Variants in ZCCHC7 observed in about 807,000 individuals in gnomAD.
ZCCHC7 encodes the protein zinc finger CCHC domain-containing protein 7.
ZCCHC7 carries 35 observed loss-of-function variants against 52.0 expected under a neutral mutation model. The ratio of observed to expected loss-of-function variants is 0.67; its 90% CI spans 0.51 to 0.89. The LOEUF is 0.89. Ranked by LOEUF, ZCCHC7 falls within the 40% of genes least tolerant of loss-of-function variation. The probability of loss-of-function intolerance (pLI) is 0.00; values close to 1 mark genes in which losing one functional copy is unlikely to be tolerated. For missense variants in ZCCHC7, 574 were observed against 649.1 expected, an observed-to-expected ratio of 0.88 and a Z score of 1.26; for synonymous variants, 217 against 221.5, an observed-to-expected ratio of 0.98 and a Z score of 0.18.
At chr9:37,211,825 G>T (rs937764853) in intron 2 of ZCCHC7, among the ~76,000 whole-genome samples, 7 of 151,780 alleles carry the variant, frequency 4.6e-5, no homozygotes, top group Non-Finnish European at 2.9e-5. Context: ...TCAGGAGATC[G>T]AGACCATCCT....
chr9:37,348,157 T>C (rs1821116105), intron 6 of ZCCHC7, among the ~76,000 whole-genome samples: 1 of 152,172 alleles, frequency 6.6e-6, no homozygotes, highest in Admixed American at 6.5e-5. Context: ...AACTGCCTCC[T>C]GGAGATCCTT....
At position 37,327,410 on chromosome 9, in the gene ZCCHC7, T is replaced by C. The variant is rs1392304684; in HGVS notation, c.952-389T>C. ...CTTCTTAAAGCAGTTACTATTAAAT[T>C]GTTTTCCATCTTACTACCAAAGTTC... On this transcript the variant is annotated intron_variant, in intron 5 of 8. Coordinates refer to ENST00000336755, the MANE Select transcript of ZCCHC7 (RefSeq NM_032226.3). The C allele has an allele frequency of 4.6e-5, 8 of 172,936 alleles. No individual in the cohort carries two copies. The East Asian group carries it at 1.2e-3, about 27-fold the overall frequency. The allele number at this position is 172,936 out of a possible 1,614,324, so 10.7% of individuals were successfully genotyped here.
intron 2 of ZCCHC7, among the ~76,000 whole-genome samples, chr9:37,286,685 TA>T (rs1828223451): frequency 6.6e-6 from 1 of 151,862 alleles, no homozygotes; most frequent in South Asian, 2.1e-4. Flanking sequence ...GAAAAATACA[TA>T]AATGTTTAAC....
chr9:37,194,178 G>T (rs1483434049), intron 2 of ZCCHC7, among the ~76,000 whole-genome samples: 1 of 152,110 alleles, frequency 6.6e-6, no homozygotes, highest in African/African-American at 2.4e-5. Flanking sequence ...TAGGATAGTG[G>T]CCTTTAATAT....
chr9:37,286,778 G>T (rs1391032262), intron 2 of ZCCHC7, among the ~76,000 whole-genome samples: 2 of 144,670 alleles, frequency 1.4e-5, no homozygotes, highest in Admixed American at 7.1e-5. Flanking sequence ...ATTTAATCTT[G>T]ATTCTCTTTT....
At chr9:37,163,993 GTTTA>G (rs367718293) in intron 2 of ZCCHC7, among the ~76,000 whole-genome samples, 6 of 151,670 alleles carry the variant, frequency 4.0e-5, no homozygotes, top group Non-Finnish European at 5.9e-5. Context: ...GTTGTATTCT[GTTTA>G]TTTGTCTTTC....
chr9:37,256,429 A>C (rs926503137), intron 2 of ZCCHC7, among the ~76,000 whole-genome samples: 1 of 152,186 alleles, frequency 6.6e-6, no homozygotes, highest in African/African-American at 2.4e-5. Flanking sequence ...ACTGATGATA[A>C]GGAGTAAGGA....
At chr9:37,311,177 A>T (rs1418694563) in intron 5 of ZCCHC7, among the ~76,000 whole-genome samples, 1 of 152,058 alleles carries the variant, frequency 6.6e-6, no homozygotes, top group African/African-American at 2.4e-5. Context: ...AGCAATCTTT[A>T]TTAATTGTTC....
intron 6 of ZCCHC7, among the ~76,000 whole-genome samples, chr9:37,347,991 T>G (rs534432567): frequency 6.6e-6 from 1 of 152,180 alleles, no homozygotes; most frequent in Non-Finnish European, 1.5e-5. Context: ...TGCCCACCCC[T>G]TAAACATTGA....
chr9:37,203,287 A>G (rs1823729683), intron 2 of ZCCHC7, among the ~76,000 whole-genome samples: 1 of 152,216 alleles, frequency 6.6e-6, no homozygotes. Context: ...TTCTTTTGAG[A>G]GAAAATATTT....
Position 37,305,648 on chromosome 9 carries a change from A to G in ZCCHC7, c.885A>G (p.Ser295=), listed in dbSNP as rs1829267206. 1.9e-6 allele frequency: 3 copies of G among 1,614,078 alleles called. No homozygotes were observed. The highest frequency in any genetic ancestry group is 2.5e-6 in the Non-Finnish European group (3 of 1,179,984). The part of the protein sequence containing the change: ...YCPVPKMLDH[S]CLFRHSWDKQ... ...CTGTGCCTAAGATGTTGGACCACTC[A>G]TGTCTTTTCAGACATTCCTGGGATA... Residue 295 remains serine, a synonymous_variant, in exon 5 of 9, where the codon TCA becomes TCG. Coordinates refer to ENST00000336755, the MANE Select transcript of ZCCHC7 (RefSeq NM_032226.3).
At chr9:37,273,681 A>G (rs2133523044) in intron 2 of ZCCHC7, among the ~76,000 whole-genome samples, 1 of 152,288 alleles carries the variant, frequency 6.6e-6, no homozygotes, top group Non-Finnish European at 1.5e-5. Context: ...TGGTGTTAAA[A>G]TTTTGTTTTG....
chr9:37,224,372 A>ATG (rs1824986833), intron 2 of ZCCHC7, among the ~76,000 whole-genome samples: 1 of 152,154 alleles, frequency 6.6e-6, no homozygotes, highest in Non-Finnish European at 1.5e-5. Flanking sequence ...GATTCAGGTC[A>ATG]TGTGTGTATA....
At chr9:37,206,736 T>G (rs1186036429) in intron 2 of ZCCHC7, among the ~76,000 whole-genome samples, 2 of 152,152 alleles carry the variant, frequency 1.3e-5, no homozygotes, top group African/African-American at 2.4e-5. Context: ...TGATCTGTCC[T>G]TGACACTCAA....
chr9:37,200,217 T>C (rs1350657621), intron 2 of ZCCHC7, among the ~76,000 whole-genome samples: 1 of 152,174 alleles, frequency 6.6e-6, no homozygotes, highest in Non-Finnish European at 1.5e-5. Flanking sequence ...GTTCACTTCC[T>C]TTTTTTATTA....
intron 2 of ZCCHC7, among the ~76,000 whole-genome samples, chr9:37,180,628 C>T (rs1031361088): frequency 1.3e-5 from 2 of 151,844 alleles, no homozygotes; most frequent in Non-Finnish European, 2.9e-5. Context: ...TTTTGTTGTC[C>T]TTTGTTATAA....
chr9:37,341,325 G>A (rs747438720), intron 6 of ZCCHC7, among the ~76,000 whole-genome samples: 3 of 152,174 alleles, frequency 2.0e-5, no homozygotes, highest in Non-Finnish European at 2.9e-5. Flanking sequence ...GTTTCCCAAA[G>A]TATGCAAGTT....
chr9:37,130,341 T>C (rs1842725761), intron 2 of ZCCHC7, among the ~76,000 whole-genome samples: 1 of 129,732 alleles, frequency 7.7e-6, no homozygotes, highest in Admixed American at 7.6e-5. Flanking sequence ...CTCCTTTTTT[T>C]TTTTTTTTTT....
intron 2 of ZCCHC7, among the ~76,000 whole-genome samples, chr9:37,207,817 A>G (rs1327467137): frequency 3.9e-5 from 6 of 152,202 alleles, no homozygotes; most frequent in Non-Finnish European, 7.3e-5. Flanking sequence ...CTTTAAAAAA[A>G]TAATTTCTAT....
Sources: gnomAD v4.1 joint callset for allele counts (sites outside exome capture counted in the v4.1 genomes callset) on GRCh38, gnomAD v4.1.1 for gene constraint, MANE v1.5 for transcripts, NCBI Gene and HGNC (gene_info 2026-07-23, HGNC 2026-07-21) for gene names.